The following RTL4 variants were observed in gnomAD, a reference collection of about 807,000 sequenced individuals.
RTL4 encodes the protein retrotransposon Gag-like protein 4.
In RTL4, 4 loss-of-function variants were observed where a neutral mutation model predicts 5.3. The observed-to-expected ratio is 0.75, with a 90% CI of 0.37 to 1.72. The LOEUF (loss-of-function observed/expected upper bound fraction) is 1.72. Ranked by LOEUF, RTL4 falls within the 40% of genes most tolerant of loss-of-function variation. The probability of loss-of-function intolerance (pLI) is 0.04; values close to 1 mark genes in which losing one functional copy is unlikely to be tolerated. For synonymous variants in RTL4, 98 were observed against 87.3 expected (o/e 1.12, Z -0.68); for missense variants, 260 against 227.1 (o/e 1.14, Z -0.93).
chrX:112,192,150 T>C, the RTL4 span, among the ~76,000 whole-genome samples: 2 of 108,121 alleles, frequency 1.8e-5, no homozygotes, highest in Non-Finnish European at 1.9e-5. Context: ...TTTAATAGGT[T>C]TTTTTTTGTG....
the RTL4 span, among the ~76,000 whole-genome samples, chrX:112,161,317 G>A: frequency 8.9e-6 from 1 of 111,836 alleles, no homozygotes; most frequent in South Asian, 3.7e-4. Context: ...GTCTTGCAAT[G>A]ACATTGTCCT....
chrX:112,262,987 G>A, the RTL4 span, among the ~76,000 whole-genome samples: 3 of 102,528 alleles, frequency 2.9e-5, no homozygotes, highest in Non-Finnish European at 3.9e-5. Context: ...CCCACTCATA[G>A]GTGGGAATTG....
At chrX:112,115,592 A>G in the RTL4 span, among the ~76,000 whole-genome samples, 1 of 111,535 alleles carries the variant, frequency 9.0e-6, no homozygotes, top group African/African-American at 3.3e-5. Flanking sequence ...CTTTGTTAAG[A>G]CTGCTACTTT....
chrX:112,240,593 C>T, the RTL4 span, among the ~76,000 whole-genome samples: 41 of 111,353 alleles, frequency 3.7e-4, no homozygotes, highest in African/African-American at 1.2e-3. Flanking sequence ...TATGGGCACT[C>T]GAAGTACAGT....
chrX:112,161,451 C>T, the RTL4 span, among the ~76,000 whole-genome samples: 17 of 111,871 alleles, frequency 1.5e-4, no homozygotes, highest in African/African-American at 5.2e-4. Flanking sequence ...CAAAATCATT[C>T]CCCCTTCTTG....
At chrX:112,425,727 C>A in the RTL4 span, among the ~76,000 whole-genome samples, 1 of 111,643 alleles carries the variant, frequency 9.0e-6, no homozygotes, top group Non-Finnish European at 1.9e-5. Context: ...TATATATCTT[C>A]TTTGGTGAGA....
the RTL4 span, among the ~76,000 whole-genome samples, chrX:112,330,169 G>T: frequency 9.8e-6 from 1 of 102,425 alleles, no homozygotes. Context: ...GGGCAATTAG[G>T]CAGGAGAAGG....
At chrX:112,178,930 G>A in the RTL4 span, among the ~76,000 whole-genome samples, 1 of 112,035 alleles carries the variant, frequency 8.9e-6, no homozygotes. Context: ...GAGTCCTCTT[G>A]GGTTTCTGGT....
At chrX:112,141,554 C>T in the RTL4 span, among the ~76,000 whole-genome samples, 3 of 111,632 alleles carry the variant, frequency 2.7e-5, no homozygotes, top group South Asian at 7.6e-4. Context: ...CAAATATCAA[C>T]TCTGTCCCCT....
chrX:112,399,449 C>G, the RTL4 span, among the ~76,000 whole-genome samples: 1 of 111,465 alleles, frequency 9.0e-6, no homozygotes, highest in Non-Finnish European at 1.9e-5. Flanking sequence ...TAAAAGAAAT[C>G]ATAATGCTGT....
the RTL4 span, among the ~76,000 whole-genome samples, chrX:112,424,833 T>C: frequency 9.0e-6 from 1 of 110,509 alleles, no homozygotes; most frequent in Non-Finnish European, 1.9e-5. Context: ...AGTTCTCATA[T>C]ATTCTCTGAC....
chrX:112,327,001 T>C, the RTL4 span, among the ~76,000 whole-genome samples: 5 of 111,598 alleles, frequency 4.5e-5, no homozygotes, highest in East Asian at 1.1e-3. Flanking sequence ...CAAAAACCCA[T>C]GTGCACATCA....
chrX:112,166,289 T>C, the RTL4 span, among the ~76,000 whole-genome samples: 13 of 111,917 alleles, frequency 1.2e-4, no homozygotes, highest in Non-Finnish European at 2.4e-4. Flanking sequence ...AGAAATACCA[T>C]GCTTTTAAAT....
the RTL4 span, among the ~76,000 whole-genome samples, chrX:112,259,852 C>T: frequency 1.8e-5 from 2 of 111,765 alleles, no homozygotes; most frequent in African/African-American, 6.5e-5. Context: ...TTTCTTCATA[C>T]CCACTCAACA....
At chrX:112,261,175 T>G in the RTL4 span, among the ~76,000 whole-genome samples, 1 of 111,649 alleles carries the variant, frequency 9.0e-6, no homozygotes. Flanking sequence ...AAACATAGTG[T>G]TGGAAGTTCT....
the RTL4 span, among the ~76,000 whole-genome samples, chrX:112,219,356 T>A: frequency 1.8e-5 from 2 of 112,208 alleles, no homozygotes; most frequent in Non-Finnish European, 3.8e-5. Flanking sequence ...CAGATCAGTG[T>A]ATTTATGAGT....
At chrX:112,131,665 A>G in the RTL4 span, among the ~76,000 whole-genome samples, 3 of 111,244 alleles carry the variant, frequency 2.7e-5, no homozygotes, top group Non-Finnish European at 5.6e-5. Flanking sequence ...TCTTTCTGGC[A>G]GGTGGATAGC....
the RTL4 span, among the ~76,000 whole-genome samples, chrX:112,421,413 A>C: frequency 8.9e-6 from 1 of 112,219 alleles, no homozygotes; most frequent in Admixed American, 9.5e-5. Flanking sequence ...TATGCATATT[A>C]ATGATCCCAG....
chrX:112,257,999 T>TTATA, the RTL4 span, among the ~76,000 whole-genome samples: 1 of 108,371 alleles, frequency 9.2e-6, no homozygotes, highest in African/African-American at 3.3e-5. Context: ...CTTTGAAAGG[T>TTATA]TGTTTTTGTA....
Sources: allele counts gnomAD v4.1 joint callset (sites outside exome capture counted in the v4.1 genomes callset), GRCh38; gene constraint gnomAD v4.1.1; transcripts MANE v1.5; gene names NCBI Gene and HGNC (gene_info 2026-07-23, HGNC 2026-07-21).